BARD1: variants seen among roughly 807,000 people sequenced by gnomAD.
BARD1 encodes the protein BRCA1-associated RING domain protein 1.
In BARD1, 73 loss-of-function variants were observed where a neutral mutation model predicts 77.0. The ratio of observed to expected loss-of-function variants is 0.95; its 90% CI spans 0.79 to 1.15. BARD1 has a LOEUF of 1.15. BARD1 is among the 50% of genes most tolerant of loss of function. BARD1 has a pLI of 0.00. For synonymous variants in BARD1, 384 were observed against 338.0 expected, an observed-to-expected ratio of 1.14 and a Z score of -1.49; for missense variants, 993 against 938.8, an observed-to-expected ratio of 1.06 and a Z score of -0.75.
intron 7 of BARD1, among the ~76,000 whole-genome samples, chr2:214,751,117 G>GTGTGTGTGTATATA (rs1486423673): frequency 3.1e-4 from 5 of 16,290 alleles, no homozygotes; most frequent in Non-Finnish European, 6.9e-4. Context: ...GTGTGTGTGT[G>GTGTGTGTGTATATA]TATATATATA....
intron 2 of BARD1, among the ~76,000 whole-genome samples, chr2:214,795,200 G>A (rs1346001711): frequency 6.6e-6 from 1 of 152,184 alleles, no homozygotes; most frequent in Non-Finnish European, 1.5e-5. Flanking sequence ...AGGCGTTTTG[G>A]AGGCAGTGAC....
At chr2:214,754,691 A>C (rs1433897788) in intron 6 of BARD1, among the ~76,000 whole-genome samples, 5 of 152,272 alleles carry the variant, frequency 3.3e-5, no homozygotes, top group African/African-American at 1.2e-4. Flanking sequence ...TACAAAGCTT[A>C]CTATGTCATA....
intron 7 of BARD1, among the ~76,000 whole-genome samples, chr2:214,748,566 CACAA>C (rs202018809): frequency 0.035 from 5,252 of 152,004 alleles, 111 homozygotes; most frequent in Middle Eastern, 0.062. Flanking sequence ...TAAAATGAAT[CACAA>C]ACAGAGAAGT....
At chr2:214,782,013 A>C (rs969194352) in intron 3 of BARD1, among the ~76,000 whole-genome samples, 2 of 152,158 alleles carry the variant, frequency 1.3e-5, no homozygotes, top group African/African-American at 4.8e-5. Context: ...ACGGAAAAAG[A>C]AAGGTACAAT....
At chr2:214,742,359 G>A (rs748394178) in intron 9 of BARD1, among the ~76,000 whole-genome samples, 3 of 152,120 alleles carry the variant, frequency 2.0e-5, no homozygotes, top group Non-Finnish European at 2.9e-5. Context: ...AAACTGAGAT[G>A]CTTGACACTG....
chr2:214,781,568 C>A, intron 3 of BARD1, 59 bp from the exon 4 acceptor site: 2 of 1,427,364 alleles, frequency 1.4e-6, no homozygotes, highest in African/African-American at 1.4e-5. Flanking sequence ...CCACATGGAG[C>A]TCCCGAAGAA....
intron 7 of BARD1, among the ~76,000 whole-genome samples, chr2:214,748,444 G>C (rs1163501412): frequency 6.6e-6 from 1 of 151,844 alleles, no homozygotes; most frequent in Non-Finnish European, 1.5e-5. Context: ...AAATTCAAAG[G>C]AATAATTAAA....
intron 3 of BARD1, among the ~76,000 whole-genome samples, chr2:214,789,599 T>C (rs897247357): frequency 3.9e-5 from 6 of 152,082 alleles, no homozygotes; most frequent in Non-Finnish European, 7.4e-5. Flanking sequence ...AGCATATAAA[T>C]TAGCACTGCC....
intron 6 of BARD1, among the ~76,000 whole-genome samples, chr2:214,755,772 AT>A (rs1693666116): frequency 6.6e-6 from 1 of 152,244 alleles, no homozygotes; most frequent in Admixed American, 6.5e-5. Context: ...AAAATCAGAT[AT>A]AAAGCAATGA....
intron 4 of BARD1, among the ~76,000 whole-genome samples, chr2:214,778,585 TAC>T (rs201043716): frequency 0.01 from 1,588 of 152,266 alleles, 15 homozygotes; most frequent in Middle Eastern, 0.017. Context: ...AATATTCTAT[TAC>T]AGTTTCTTCA....
At position 214,752,452 on chromosome 2, in the gene BARD1, A is replaced by G. The variant is rs587782122; in HGVS notation, c.1672T>C (p.Ser558Pro). The G allele has an allele frequency of 6.8e-6, 11 of 1,605,888 alleles. No individual in the cohort carries two copies. Among genetic ancestry groups the G allele is most frequent in the Non-Finnish European group, 8.5e-6 (10 of 1,172,788 alleles). Residue 558 changes from serine to proline, a missense_variant, in exon 7 of 11, where the codon TCA (serine) becomes CCA (proline). Physicochemically the swap from Ser to Pro is moderately conservative, Grantham distance 74. Transcript: ENST00000260947. ...KNESSSASHC[S>P]VMNTGQRRDG... ...AAAGCTAAATCCATACTTACTACTG[A>G]GCAGTGGCTAGCTGAGGATGATTCA...
Position 214,745,740 on chromosome 2 carries a change from T to G in BARD1, c.1792A>C (p.Thr598Pro). The G allele has an allele frequency of 6.2e-7, 1 of 1,614,064 alleles. No individual in the cohort carries two copies. The highest frequency in any genetic ancestry group is 8.5e-7 in the Non-Finnish European group (1 of 1,179,966). Residue 598 changes from threonine (T) to proline (P), a missense_variant, in exon 8 of 11, where the codon ACT (threonine) becomes CCT (proline). By Grantham distance (38) the Thr-to-Pro change is conservative. Coordinates refer to ENST00000260947, the MANE Select transcript of BARD1 (RefSeq NM_000465.4). ...LAVILKAKKY[T>P]EFDSTVTHVV... is the part of the protein sequence containing the mutation. ...TCCTCACCTGTACTGTCAAACTCAGTATATTTTTTAGCCTTAAGAATTACT... is the reference window on the plus strand; with the variant it reads ...TCCTCACCTGTACTGTCAAACTCAGGATATTTTTTAGCCTTAAGAATTACT...
At chr2:214,797,223 C>A in intron 1 of BARD1, 106 bp from the exon 2 acceptor site, 2 of 926,188 alleles carry the variant, frequency 2.2e-6, no homozygotes, top group South Asian at 2.6e-5. Context: ...CTCACTTTCT[C>A]AAAGCAGAAG....
intron 6 of BARD1, among the ~76,000 whole-genome samples, chr2:214,759,733 A>G (rs1357216328): frequency 2.0e-5 from 3 of 152,178 alleles, no homozygotes; most frequent in Non-Finnish European, 4.4e-5. Context: ...AAAACATTGC[A>G]GTAGGAAAAT....
In BARD1 at chr2:214,745,778, A is replaced by C. The variant is rs786201905; in HGVS notation, c.1754T>G (p.Leu585Arg). ...CTTAAGAATTACTGCAAGCTCACTG[A>C]GCATTTTCTGTTGTTCTGAAGACAG... is the stretch of plus-strand genomic sequence containing the variant. ...SGLSSEQQKM[L>R]SELAVILKAK... Residue 585 changes from leucine to arginine, a missense_variant, in exon 8 of 11, where the codon CTC becomes CGC. By Grantham distance (102) the Leu-to-Arg change is moderately radical. Transcript: ENST00000260947. 1.2e-6 allele frequency: 2 copies of C among 1,613,960 alleles called. No individual in the cohort carries two copies. Among genetic ancestry groups the C allele is most frequent in the African/African-American group, 2.7e-5 (2 of 74,932 alleles).
intron 3 of BARD1, among the ~76,000 whole-genome samples, chr2:214,791,804 T>C (rs948205579): frequency 6.6e-6 from 1 of 152,158 alleles, no homozygotes; most frequent in Non-Finnish European, 1.5e-5. Flanking sequence ...TCCATATATA[T>C]TCTGCAGAAG....
intron 1 of BARD1, among the ~76,000 whole-genome samples, chr2:214,798,376 A>C (rs1695856532): frequency 6.6e-6 from 1 of 152,150 alleles, no homozygotes; most frequent in Non-Finnish European, 1.5e-5. Context: ...CTGCCAATAA[A>C]CATGATCTCT....
Position 214,806,424 on chromosome 2 carries a change from C to T in BARD1, c.158+2988G>A, listed in dbSNP as rs559545457. ...CAGACCATTCTGAGTTGCTCCTTGC[C>T]GGCAATGTCAGGAGGCTACCAGGGC... On this transcript the variant is annotated intron_variant, in intron 1 of 10. Coordinates refer to ENST00000260947, the MANE Select transcript of BARD1 (RefSeq NM_000465.4). Among the ~76,000 whole-genome samples the T allele has an allele frequency of 6.6e-5, 10 of 152,258 alleles. No homozygotes were observed. The East Asian group carries it at 1.7e-3, about 26-fold the overall frequency.
chr2:214,760,928 C>CTA, intron 6 of BARD1, among the ~76,000 whole-genome samples: 1 of 151,584 alleles, frequency 6.6e-6, no homozygotes, highest in African/African-American at 2.4e-5. Flanking sequence ...GCGCCCACCA[C>CTA]CACGCCCAGC....
Sources: gnomAD v4.1 joint callset for allele counts (sites outside exome capture counted in the v4.1 genomes callset) on GRCh38, gnomAD v4.1.1 for gene constraint, MANE v1.5 for transcripts, NCBI Gene and HGNC (gene_info 2026-07-23, HGNC 2026-07-21) for gene names.